The following EHBP1 variants were observed in gnomAD, a reference collection of about 807,000 sequenced individuals.
EHBP1 encodes the protein EH domain binding protein 1, also known as EH domain-binding protein 1.
EHBP1 carries 55 observed loss-of-function variants against 144.0 expected under a neutral mutation model. The observed-to-expected ratio is 0.38, with a 90% CI of 0.31 to 0.48. EHBP1 has a LOEUF of 0.48. Among genes scored for constraint, EHBP1 ranks in the 20% least tolerant of loss-of-function variants. The pLI is 0.98. For missense variants in EHBP1, 1,200 were observed against 1,364.2 expected (o/e 0.88, Z 1.90); for synonymous variants, 469 against 472.7 (o/e 0.99, Z 0.10).
At chr2:62,707,437 A>G (rs1046945910) in intron 2 of EHBP1, 142 bp downstream of exon 2, 3 of 645,150 alleles carry the variant, frequency 4.7e-6, no homozygotes, top group African/African-American at 3.6e-5. Flanking sequence ...TAACTCTAAC[A>G]AGTACTGTGC....
At chr2:62,843,954 A>G (rs980437503) in intron 7 of EHBP1, among the ~76,000 whole-genome samples, 5 of 152,176 alleles carry the variant, frequency 3.3e-5, no homozygotes, top group Admixed American at 3.3e-4. Context: ...TTTATGGAGG[A>G]ATTATTATTT....
intron 13 of EHBP1, among the ~76,000 whole-genome samples, chr2:62,953,699 A>AT (rs959924405): frequency 3.3e-5 from 5 of 152,028 alleles, no homozygotes; most frequent in East Asian, 1.9e-4. Context: ...ACTAATGTTT[A>AT]TTTTTTTCTT....
At chr2:62,973,914 A>G (rs934325278) in intron 14 of EHBP1, among the ~76,000 whole-genome samples, 1 of 152,162 alleles carries the variant, frequency 6.6e-6, no homozygotes, top group African/African-American at 2.4e-5. Flanking sequence ...GGGCTGAGGT[A>G]GGAGAATCAC....
intron 9 of EHBP1, among the ~76,000 whole-genome samples, chr2:62,870,539 AC>A (rs373189396): frequency 2.7e-5 from 4 of 149,640 alleles, no homozygotes; most frequent in Non-Finnish European, 4.4e-5. Flanking sequence ...ACATGGTGAG[AC>A]CCCCCCCATC....
At chr2:62,748,303 T>C (rs1450321797) in intron 3 of EHBP1, among the ~76,000 whole-genome samples, 1 of 152,080 alleles carries the variant, frequency 6.6e-6, no homozygotes, top group Non-Finnish European at 1.5e-5. Context: ...ATAATTTTGT[T>C]TGTGGGGAGT....
intron 10 of EHBP1, among the ~76,000 whole-genome samples, chr2:62,934,757 T>C (rs1011850734): frequency 2.0e-5 from 3 of 152,146 alleles, no homozygotes; most frequent in African/African-American, 7.2e-5. Context: ...TGTTTTTCAA[T>C]AGGGATATGT....
rs1465386244 is a variant in EHBP1, at chr2:63,038,788, G to C, written c.3249G>C (p.Arg1083=). Residue 1083 remains arginine (R), a synonymous_variant, in exon 21 of 23, where the codon CGG becomes CGC. Coordinates refer to ENST00000431489, the MANE Select transcript of EHBP1 (RefSeq NM_001142616.3). ...AACGACGGTATGAGCTGCTGAACCG[G>C]GAATTGAGGGCAATGCTAGCCATTG... The part of the protein sequence containing the change: ...DLERRYELLN[R]ELRAMLAIED... The C allele has an allele frequency of 6.2e-7, 1 of 1,613,348 alleles. No homozygotes were observed. The highest frequency in any genetic ancestry group is 1.3e-5 in the African/African-American group (1 of 74,900).
chr2:62,749,484 G>C (rs964620611), intron 3 of EHBP1, among the ~76,000 whole-genome samples: 14 of 152,106 alleles, frequency 9.2e-5, no homozygotes, highest in Admixed American at 5.2e-4. Flanking sequence ...GATTTATAAT[G>C]CTTTGGGTAT....
intron 5 of EHBP1, among the ~76,000 whole-genome samples, chr2:62,801,242 A>T (rs542035800): frequency 5.3e-5 from 8 of 152,242 alleles, no homozygotes; most frequent in African/African-American, 1.7e-4. Flanking sequence ...GTTGATCACG[A>T]TAGGGATAAA....
At chr2:62,799,152 A>G (rs2043793693) in intron 5 of EHBP1, among the ~76,000 whole-genome samples, 1 of 152,176 alleles carries the variant, frequency 6.6e-6, no homozygotes, top group Admixed American at 6.5e-5. Flanking sequence ...TAGTTTATAC[A>G]ACTTTTATAG....
chr2:62,755,120 C>T (rs547837452), intron 3 of EHBP1, among the ~76,000 whole-genome samples: 85 of 152,338 alleles, frequency 5.6e-4, no homozygotes, highest in African/African-American at 2.0e-3. Flanking sequence ...CCTATTTGGC[C>T]ATCTTGTAAC....
intron 10 of EHBP1, among the ~76,000 whole-genome samples, chr2:62,903,866 G>C (rs1407482242): frequency 6.6e-6 from 1 of 152,114 alleles, no homozygotes; most frequent in Non-Finnish European, 1.5e-5. Flanking sequence ...TTCGTCCATA[G>C]TTTCTTCATC....
chr2:62,722,804 C>T (rs1196241093), intron 2 of EHBP1, among the ~76,000 whole-genome samples: 1 of 152,074 alleles, frequency 6.6e-6, no homozygotes, highest in Non-Finnish European at 1.5e-5. Context: ...GCAGTAATAC[C>T]AAAGTGAAGC....
intron 10 of EHBP1, among the ~76,000 whole-genome samples, chr2:62,911,426 T>G (rs1198849971): frequency 6.6e-6 from 1 of 152,146 alleles, no homozygotes; most frequent in East Asian, 1.9e-4. Flanking sequence ...CTTGGTTATT[T>G]TTTTAACTTT....
chr2:62,790,341 TTCTTTGAAA>T (rs1238982431), intron 5 of EHBP1, among the ~76,000 whole-genome samples: 3 of 152,140 alleles, frequency 2.0e-5, no homozygotes, highest in African/African-American at 7.2e-5. Context: ...TGGTTGGATG[TTCTTTGAAA>T]AAAGCACACA....
At chr2:62,862,360 GCC>G in intron 8 of EHBP1, among the ~76,000 whole-genome samples, 4 of 152,172 alleles carry the variant, frequency 2.6e-5, no homozygotes, top group African/African-American at 9.7e-5. Context: ...TGTAATCCCA[GCC>G]CTTTGGGAGG....
intron 5 of EHBP1, among the ~76,000 whole-genome samples, chr2:62,775,402 C>T (rs1219100549): frequency 6.6e-6 from 1 of 152,156 alleles, no homozygotes; most frequent in African/African-American, 2.4e-5. Context: ...AAGTTCTTCT[C>T]TTTGTCTTGT....
At chr2:62,923,818 C>T (rs886170736) in intron 10 of EHBP1, among the ~76,000 whole-genome samples, 12 of 152,200 alleles carry the variant, frequency 7.9e-5, no homozygotes, top group African/African-American at 2.9e-4. Context: ...CACCTGTGTA[C>T]TAGGACTGCA....
At chr2:62,826,964 G>A (rs756523931) in intron 6 of EHBP1, among the ~76,000 whole-genome samples, 1 of 152,190 alleles carries the variant, frequency 6.6e-6, no homozygotes, top group Admixed American at 6.5e-5. Flanking sequence ...GAAAGGGTTC[G>A]TACCTACATG....
Sources: allele counts gnomAD v4.1 joint callset (sites outside exome capture counted in the v4.1 genomes callset), GRCh38; gene constraint gnomAD v4.1.1; transcripts MANE v1.5; gene names NCBI Gene and HGNC (gene_info 2026-07-23, HGNC 2026-07-21).